Variants in RBPMS observed in about 807,000 individuals in gnomAD.
RBPMS encodes RNA binding protein, mRNA processing factor.
A neutral mutation model predicts 26.8 loss-of-function variants in RBPMS; 7 were observed. The ratio of observed to expected loss-of-function variants is 0.26; its 90% CI spans 0.15 to 0.49. The LOEUF is 0.49. RBPMS is among the 20% of genes least tolerant of loss of function. The pLI, the probability that RBPMS is intolerant of heterozygous loss-of-function variation, is 0.98. For synonymous variants in RBPMS, 96 were observed against 93.3 expected (o/e 1.03, Z -0.17); for missense variants, 186 against 250.0 (o/e 0.74, Z 1.73).
At chr8:30,438,739 C>T (rs1812749865) in intron 1 of RBPMS, among the ~76,000 whole-genome samples, 1 of 152,006 alleles carries the variant, frequency 6.6e-6, no homozygotes, top group African/African-American at 2.4e-5. Flanking sequence ...CGCATCGTAT[C>T]TATATAGAGA....
chr8:30,489,852 C>G (rs1462252578), intron 4 of RBPMS, among the ~76,000 whole-genome samples: 2 of 151,836 alleles, frequency 1.3e-5, no homozygotes, highest in African/African-American at 4.8e-5. Context: ...GCTGTGTTAC[C>G]CAGGCTGGAG....
chr8:30,493,960 G>T (rs139128638), intron 4 of RBPMS, among the ~76,000 whole-genome samples: 1 of 152,330 alleles, frequency 6.6e-6, no homozygotes, highest in African/African-American at 2.4e-5. Flanking sequence ...AACACAAAAA[G>T]TAAGTGTGTG....
chr8:30,558,355 G>C (rs1012412167), intron 6 of RBPMS: 1 of 172,306 alleles, frequency 5.8e-6, no homozygotes. Flanking sequence ...GGTGAACAGA[G>C]GGCCTGGGGT....
chr8:30,425,395 C>T (rs1025079092), intron 1 of RBPMS, among the ~76,000 whole-genome samples: 2 of 151,394 alleles, frequency 1.3e-5, no homozygotes, highest in Admixed American at 6.6e-5. Flanking sequence ...TGATATGTAG[C>T]GTAATTTTAA....
At chr8:30,569,054 C>T (rs1456716322) in intron 8 of RBPMS, among the ~76,000 whole-genome samples, 2 of 151,834 alleles carry the variant, frequency 1.3e-5, no homozygotes, top group African/African-American at 2.4e-5. Flanking sequence ...TGGTTCATTA[C>T]CCAGGAAAGC....
At chr8:30,548,491 G>T (rs1826038426) in intron 6 of RBPMS, among the ~76,000 whole-genome samples, 1 of 152,192 alleles carries the variant, frequency 6.6e-6, no homozygotes, top group African/African-American at 2.4e-5. Flanking sequence ...TTTGTCCAGA[G>T]TAACAGCAGT....
At chr8:30,482,460 A>G (rs1331374562) in intron 4 of RBPMS, among the ~76,000 whole-genome samples, 2 of 152,090 alleles carry the variant, frequency 1.3e-5, no homozygotes, top group Non-Finnish European at 2.9e-5. Flanking sequence ...TATCTGGTTC[A>G]GTTGTTAGTA....
At chr8:30,530,885 T>A (rs1369464980) in intron 5 of RBPMS, among the ~76,000 whole-genome samples, 3 of 152,144 alleles carry the variant, frequency 2.0e-5, no homozygotes, top group Admixed American at 2.0e-4. Context: ...CGAGGTCACA[T>A]AGATGGTAAG....
At chr8:30,492,267 G>C (rs1251338921) in intron 4 of RBPMS, among the ~76,000 whole-genome samples, 1 of 152,124 alleles carries the variant, frequency 6.6e-6, no homozygotes, top group African/African-American at 2.4e-5. Flanking sequence ...TTATCTTTGA[G>C]TGCATAAAGC....
chr8:30,570,822 A>G lies in RBPMS; in HGVS notation c.*297A>G, dbSNP rs1221917406. The G allele has an allele frequency of 6.6e-6, 1 of 152,528 alleles. No homozygotes were observed. Among genetic ancestry groups the G allele is most frequent in the Non-Finnish European group, 1.5e-5 (1 of 68,038 alleles). The allele number at this position is 152,528 out of a possible 1,614,324, so 9.4% of individuals were successfully genotyped here. A position where few individuals can be genotyped will look rare whatever the true frequency, so the allele number is the denominator to read the frequency against. ...TCTGAAATTTCTGTACAGTTTGGAG[A>G]TATTTTCAAACGAAACGTAAGAGAA... On this transcript the variant is annotated 3_prime_UTR_variant, in exon 9 of 9. Coordinates refer to ENST00000397323, the MANE Select transcript of RBPMS (RefSeq NM_001008710.3).
At chr8:30,565,271 A>G (rs1253955178) in intron 7 of RBPMS, 2 of 152,238 alleles carry the variant, frequency 1.3e-5, no homozygotes, top group Non-Finnish European at 2.9e-5. Flanking sequence ...TCTTGATTCC[A>G]GAGCTGGGTT....
intron 1 of RBPMS, among the ~76,000 whole-genome samples, chr8:30,449,733 A>C (rs1014754669): frequency 1.3e-5 from 2 of 152,156 alleles, no homozygotes; most frequent in Non-Finnish European, 2.9e-5. Flanking sequence ...CACAAGGAGA[A>C]ACTTGGCCTC....
rs142074237 is a variant in RBPMS at position 30,391,092 on chromosome 8, A to T, written c.66+5934A>T. 3.4e-3 allele frequency among the ~76,000 whole-genome samples: 495 copies of T among 146,610 alleles called. 9 individuals carry two copies. Among genetic ancestry groups the T allele is most frequent in the African/African-American group, 0.012 (455 of 38,064 alleles). On this transcript the variant is annotated intron_variant, in intron 1 of 8. Coordinates refer to ENST00000397323, the MANE Select transcript of RBPMS (RefSeq NM_001008710.3). ...ACAGGTGAGCCTGCCTGGTCCATCA[A>T]ATAGCCACTGCTGGAAAATTACTTC...
intron 7 of RBPMS, chr8:30,565,131 T>C (rs1359495669): frequency 6.6e-6 from 1 of 152,218 alleles, no homozygotes; most frequent in Non-Finnish European, 1.5e-5. Flanking sequence ...TATTTTCCTG[T>C]TCTCAAGTAA....
chr8:30,565,576 G>A (rs934063930), intron 7 of RBPMS: 1 of 152,232 alleles, frequency 6.6e-6, no homozygotes, highest in Non-Finnish European at 1.5e-5. Flanking sequence ...CCTGCAGGGG[G>A]AGTATTAGAA....
At chr8:30,561,022 C>T (rs963506155) in intron 7 of RBPMS, among the ~76,000 whole-genome samples, 3 of 152,080 alleles carry the variant, frequency 2.0e-5, no homozygotes, top group Non-Finnish European at 2.9e-5. Flanking sequence ...TGTGTGTGCG[C>T]GCCTAAGTAT....
At chr8:30,521,077 G>A (rs965899480) in intron 5 of RBPMS, among the ~76,000 whole-genome samples, 1 of 152,182 alleles carries the variant, frequency 6.6e-6, no homozygotes, top group African/African-American at 2.4e-5. Context: ...CACTGATATT[G>A]ACTAGATGCT....
At chr8:30,558,391 C>A in intron 6 of RBPMS, 1 of 193,466 alleles carries the variant, frequency 5.2e-6, no homozygotes, top group Admixed American at 5.4e-5. Context: ...TGCCAAGAAG[C>A]TGGAACCCTT....
At chr8:30,531,738 T>A (rs575621207) in intron 5 of RBPMS, among the ~76,000 whole-genome samples, 9 of 152,316 alleles carry the variant, frequency 5.9e-5, no homozygotes, top group African/African-American at 2.2e-4. Context: ...TAATTAAAAT[T>A]TGGGCCTTGT....
Sources: allele counts gnomAD v4.1 joint callset (sites outside exome capture counted in the v4.1 genomes callset), GRCh38; gene constraint gnomAD v4.1.1; transcripts MANE v1.5; gene names NCBI Gene and HGNC (gene_info 2026-07-23, HGNC 2026-07-21).